The following NF1 variants were observed in gnomAD, a reference collection of about 807,000 sequenced individuals.
NF1 encodes neurofibromin 1, also known as neurofibromin.
A neutral mutation model predicts 325.7 loss-of-function variants in NF1; 122 were observed. That is an observed-to-expected ratio of 0.37 (90% CI 0.32 to 0.44). The LOEUF is 0.44. Ranked by LOEUF, NF1 falls within the 20% of genes least tolerant of loss-of-function variation. The pLI, the probability that NF1 is intolerant of heterozygous loss-of-function variation, is 1.00. For missense variants in NF1, 2,140 were observed against 3,415.4 expected (o/e 0.63, Z 9.31); for synonymous variants, 1,091 against 1,186.0 (o/e 0.92, Z 1.65).
intron 1 of NF1, among the ~76,000 whole-genome samples, chr17:31,123,893 C>T (rs1914644810): frequency 6.6e-6 from 1 of 151,930 alleles, no homozygotes; most frequent in Non-Finnish European, 1.5e-5. Context: ...TTTCTCTTTT[C>T]TATTATTTTT....
At chr17:31,314,671 G>GTATATGTACCATATTTTCTT (rs1350930371) in intron 36 of NF1, among the ~76,000 whole-genome samples, 1 of 152,102 alleles carries the variant, frequency 6.6e-6, no homozygotes, top group Non-Finnish European at 1.5e-5. Flanking sequence ...ACTCCATTGT[G>GTATATGTACCATATTTTCTT]TATATGTACC....
chr17:31,339,159 C>T (rs775110648), intron 46 of NF1, among the ~76,000 whole-genome samples: 1 of 152,102 alleles, frequency 6.6e-6, no homozygotes, highest in Non-Finnish European at 1.5e-5. Flanking sequence ...AACTCACTGC[C>T]TTCATGGAGC....
Position 31,201,393 on chromosome 17 carries a change from T to C in NF1, c.1186-18T>C, listed in dbSNP as rs1187068666. The C allele has an allele frequency of 5.6e-6, 9 of 1,602,776 alleles. No individual in the cohort carries two copies. The highest frequency in any genetic ancestry group is 7.7e-6 in the Non-Finnish European group (9 of 1,172,020). On this transcript the variant is annotated intron_variant, in intron 10 of 57. Transcript: ENST00000358273. ...TTTCTCATAGAAATAATCTGCTTTT[T>C]TTTTTCTTTTTCTATAGATCTGCCT...
chr17:31,242,442 C>T (rs1227708638), intron 29 of NF1, among the ~76,000 whole-genome samples: 1 of 146,352 alleles, frequency 6.8e-6, no homozygotes, highest in Non-Finnish European at 1.5e-5. Flanking sequence ...CTTAAATTTG[C>T]TCTTTTGAGG....
intron 36 of NF1, among the ~76,000 whole-genome samples, chr17:31,281,147 A>G (rs1468399577): frequency 6.6e-6 from 1 of 152,210 alleles, no homozygotes; most frequent in Non-Finnish European, 1.5e-5. Flanking sequence ...TTGCTGAGCC[A>G]AAGCAGATCG....
In NF1 at chr17:31,362,394, G is replaced by A. The variant is rs112353738; in HGVS notation, c.8377+1691G>A. The A allele has an allele frequency of 1.4e-5, 14 of 966,890 alleles. No homozygotes were observed. The African/African-American group carries it at 2.1e-4, about 15-fold the overall frequency. 59.9% of individuals were successfully genotyped at this position (966,890 alleles called of 1,614,324 possible). Reference sequence around the variant, plus strand: ...TTTAGTTTTAGGCTCACAATATTGTGTACATTGGGGAGACTGAGTTTTAGA... The same window carrying A: ...TTTAGTTTTAGGCTCACAATATTGTATACATTGGGGAGACTGAGTTTTAGA... On this transcript the variant is annotated intron_variant, in intron 57 of 57. Coordinates refer to ENST00000358273, the MANE Select transcript of NF1 (RefSeq NM_001042492.3).
intron 36 of NF1, among the ~76,000 whole-genome samples, chr17:31,293,170 C>A: frequency 2.0e-5 from 1 of 50,584 alleles, no homozygotes; most frequent in Non-Finnish European, 4.6e-5. Flanking sequence ...AAGAGCGAGA[C>A]TTCGTCTCAA....
At chr17:31,142,822 G>A (rs756593090) in intron 1 of NF1, among the ~76,000 whole-genome samples, 3 of 151,538 alleles carry the variant, frequency 2.0e-5, no homozygotes, top group South Asian at 2.1e-4. Flanking sequence ...AACCGAGATC[G>A]CGCCACTGTA....
At chr17:31,303,667 A>G (rs1378421448) in intron 36 of NF1, 1 of 152,270 alleles carries the variant, frequency 6.6e-6, no homozygotes, top group African/African-American at 2.4e-5. Context: ...TTTATGATGC[A>G]TCCTCATATT....
Position 31,359,133 on chromosome 17 carries a change from A to G in NF1, c.8160+118A>G, listed in dbSNP as rs914357916. 2.7e-5 allele frequency: 23 copies of G among 837,832 alleles called. No individual in the cohort carries two copies. In the African/African-American group the frequency reaches 3.4e-4, roughly 13 times the overall value. The allele number at this position is 837,832 out of a possible 1,614,324, so 51.9% of individuals were successfully genotyped here. A position where few individuals can be genotyped will look rare whatever the true frequency, so the allele number is the denominator to read the frequency against. ...ACCAGAAAAATAATTCACAATAAACACATATGTTACTTTTATAAAAAGTTT... is the reference window on the plus strand; with the variant it reads ...ACCAGAAAAATAATTCACAATAAACGCATATGTTACTTTTATAAAAAGTTT... On this transcript the variant is annotated intron_variant, in intron 56 of 57. Transcript: ENST00000358273.
At chr17:31,316,807 A>G (rs1160612334) in intron 36 of NF1, among the ~76,000 whole-genome samples, 1 of 152,242 alleles carries the variant, frequency 6.6e-6, no homozygotes, top group East Asian at 1.9e-4. Context: ...TTTAGAGAAT[A>G]GATTTGTTTT....
At chr17:31,253,296 A>G (rs1361792927) in intron 31 of NF1, 2 of 324,082 alleles carry the variant, frequency 6.2e-6, no homozygotes, top group African/African-American at 4.2e-5. Flanking sequence ...ATGAATGCAA[A>G]GAAACTTAAT....
chr17:31,367,710 A>G (rs773217294), intron 57 of NF1, among the ~76,000 whole-genome samples: 3 of 152,208 alleles, frequency 2.0e-5, no homozygotes, highest in Non-Finnish European at 4.4e-5. Flanking sequence ...GTGGTTAAAA[A>G]AAGGAATATG....
chr17:31,156,716 A>G (rs976885294), intron 2 of NF1, among the ~76,000 whole-genome samples: 1 of 152,090 alleles, frequency 6.6e-6, no homozygotes, highest in Non-Finnish European at 1.5e-5. Context: ...AAAAGCTCAT[A>G]ATTTCTTTCT....
intron 1 of NF1, among the ~76,000 whole-genome samples, chr17:31,147,953 G>T (rs1184238379): frequency 6.6e-6 from 1 of 152,062 alleles, no homozygotes; most frequent in African/African-American, 2.4e-5. Context: ...GAGGTACATT[G>T]CCTGGGAAAA....
intron 36 of NF1, among the ~76,000 whole-genome samples, chr17:31,322,094 TACACACAC>T (rs71142046): frequency 0.17 from 24,484 of 147,200 alleles, 2,470 homozygotes; most frequent in Non-Finnish European, 0.23. Flanking sequence ...AGTGTGTGTA[TACACACAC>T]ACACACACAC....
intron 30 of NF1, chr17:31,251,390 A>G (rs1378954880): frequency 5.0e-6 from 1 of 201,646 alleles, no homozygotes; most frequent in Non-Finnish European, 1.0e-5. Context: ...TTTTCAAATC[A>G]TGTGTTAACC....
At chr17:31,111,900 C>T (rs955712020) in intron 1 of NF1, among the ~76,000 whole-genome samples, 8 of 152,078 alleles carry the variant, frequency 5.3e-5, no homozygotes, top group Non-Finnish European at 8.8e-5. Context: ...AACTTTATTG[C>T]TTTTTGCTAT....
Position 31,307,308 on chromosome 17 carries a change from C to T in NF1, c.4836-18512C>T, listed in dbSNP as rs114093750. On this transcript the variant is annotated intron_variant, in intron 36 of 57. Coordinates refer to ENST00000358273, the MANE Select transcript of NF1 (RefSeq NM_001042492.3). ...TGCTGGGATTACAGGTGTGAGCCACCACGCCTGGCCCAATTACAATAATTT... is the reference window on the plus strand; with the variant it reads ...TGCTGGGATTACAGGTGTGAGCCACTACGCCTGGCCCAATTACAATAATTT... Among the ~76,000 whole-genome samples, 675 of 152,260 alleles carry T rather than the reference C, an allele frequency of 4.4e-3. 6 individuals carry two copies. The highest frequency in any genetic ancestry group is 0.015 in the African/African-American group (644 of 41,568).
Sources: allele counts gnomAD v4.1 joint callset (sites outside exome capture counted in the v4.1 genomes callset), GRCh38; gene constraint gnomAD v4.1.1; transcripts MANE v1.5; gene names NCBI Gene and HGNC (gene_info 2026-07-23, HGNC 2026-07-21).